DST: variants seen among roughly 807,000 people sequenced by gnomAD.
The protein encoded by DST is dystonin.
In DST, 253 loss-of-function variants were observed where a neutral mutation model predicts 875.2. That is an observed-to-expected ratio of 0.29 (90% confidence interval 0.26 to 0.32). The LOEUF is 0.32. DST is among the 10% of genes least tolerant of loss of function. The pLI, the probability that DST is intolerant of heterozygous loss-of-function variation, is 1.00. For synonymous variants in DST, 3,124 were observed against 3,197.1 expected (o/e 0.98, Z 0.77); for missense variants, 8,287 against 9,111.6 (o/e 0.91, Z 3.68).
chr6:56,790,199 A>C lies in DST; in HGVS notation c.626-54910T>G, dbSNP rs182150777. Among the ~76,000 whole-genome samples, 3 of 152,306 alleles carry C rather than the reference A, an allele frequency of 2.0e-5. No homozygotes were observed. The East Asian group carries it at 5.8e-4, about 29-fold the overall frequency. The stretch of plus-strand genomic sequence containing the variant: ...ATTTTTCTTGCCAGAAAGCAAAAAA[A>C]AAAATTTTTAACTGTCCAATCATCT... On this transcript the variant is annotated intron_variant, in intron 4 of 103. Coordinates refer to ENST00000680361, the MANE Select transcript of DST (RefSeq NM_001374736.1).
intron 5 of DST, among the ~76,000 whole-genome samples, chr6:56,721,717 A>G (rs2099417358): frequency 6.6e-6 from 1 of 152,244 alleles, no homozygotes; most frequent in South Asian, 2.1e-4. Flanking sequence ...AAAAGCAGTT[A>G]TGGTAGAAAA....
intron 53 of DST, among the ~76,000 whole-genome samples, chr6:56,571,707 G>A (rs534760731): frequency 6.6e-6 from 1 of 152,220 alleles, no homozygotes; most frequent in Admixed American, 6.5e-5. Context: ...ATTGCACATC[G>A]TTTCTGAGTT....
At position 56,631,297 on chromosome 6, in the gene DST, T is replaced by C; in HGVS notation, c.4056A>G (p.Ser1352=). The C allele has an allele frequency of 1.9e-6, 3 of 1,614,070 alleles. No homozygotes were observed. Among genetic ancestry groups the C allele is most frequent in the Non-Finnish European group, 2.5e-6 (3 of 1,179,968 alleles). The change falls in exon 30 of 104, where the codon TCA becomes TCG. Residue 1352 remains serine, a synonymous_variant. Coordinates refer to ENST00000680361, the MANE Select transcript of DST (RefSeq NM_001374736.1). ...EEFFSQAAAS[S]SVPTLRSELN... The stretch of plus-strand genomic sequence containing the variant: ...GCTCTGATCGTAGGGTAGGGACTGA[T>C]GAAGAGGCTGCTGCTTGACTGAAAA...
chr6:56,898,930 G>A (rs765497521), intron 3 of DST, among the ~76,000 whole-genome samples: 1 of 152,018 alleles, frequency 6.6e-6, no homozygotes, highest in Admixed American at 6.5e-5. Flanking sequence ...TGATTGACTC[G>A]ACTGTGATTT....
chr6:56,563,342 G>C (rs2097572575), intron 55 of DST, among the ~76,000 whole-genome samples: 1 of 152,196 alleles, frequency 6.6e-6, no homozygotes, highest in African/African-American at 2.4e-5. Context: ...GACCAGTGAT[G>C]ATGAGCATTT....
At chr6:56,948,541 C>A (rs745680161) in intron 2 of DST, among the ~76,000 whole-genome samples, 1 of 152,210 alleles carries the variant, frequency 6.6e-6, no homozygotes, top group Non-Finnish European at 1.5e-5. Context: ...CAATTTCAAA[C>A]TTATGAATCC....
chr6:56,604,156 T>C lies in DST; in HGVS notation c.10472A>G (p.Asn3491Ser). 1 of 1,591,462 alleles carries C rather than the reference T, an allele frequency of 6.3e-7. No homozygotes were observed. Among genetic ancestry groups the C allele is most frequent in the Non-Finnish European group, 8.6e-7 (1 of 1,167,118 alleles). ...ATCAGCAAGCAGTTTGTAGAAAATA[T>C]TTTCAAGCTGCAGTGGAAGTACTTT... ...TSKVLPLQLE[N>S]IFYKLLADGY... The change falls in exon 40 of 104, where the codon AAT becomes AGT. Residue 3491 changes from asparagine (N) to serine (S), a missense_variant. Coordinates refer to ENST00000680361, the MANE Select transcript of DST (RefSeq NM_001374736.1).
At chr6:56,637,506 T>C (rs1408916168) in intron 22 of DST, among the ~76,000 whole-genome samples, 1 of 152,184 alleles carries the variant, frequency 6.6e-6, no homozygotes, top group Non-Finnish European at 1.5e-5. Context: ...TATGTCGGTT[T>C]CTCTTTGTTT....
At chr6:56,778,062 T>G (rs1307528644) in intron 4 of DST, among the ~76,000 whole-genome samples, 2 of 152,154 alleles carry the variant, frequency 1.3e-5, no homozygotes, top group Non-Finnish European at 2.9e-5. Flanking sequence ...TAAATATTCC[T>G]TGGTTCAGTT....
chr6:56,480,760 G>A (rs1161634128), intron 90 of DST, among the ~76,000 whole-genome samples: 1 of 152,120 alleles, frequency 6.6e-6, no homozygotes, highest in Non-Finnish European at 1.5e-5. Flanking sequence ...GAGGTTTCCT[G>A]GTCCTGGTGT....
intron 1 of DST, 131 bp from the exon 2 acceptor site, chr6:56,953,950 C>A: frequency 2.1e-6 from 1 of 485,326 alleles, no homozygotes; most frequent in South Asian, 1.9e-5. Context: ...GTGGGACATC[C>A]TGGGGGAGGG....
rs570808048 is a variant in DST, at chr6:56,554,246, G to A, written c.15137-591C>T. 4.0e-3 allele frequency among the ~76,000 whole-genome samples: 602 copies of A among 151,632 alleles called. 3 individuals are homozygous for A. Among genetic ancestry groups the A allele is most frequent in the African/African-American group, 0.014 (576 of 41,328 alleles). ...ACTACAGGCACCCGCCACCACGCCC[G>A]GCTAATTTTTTGTATTTTTAGTAGA... On this transcript the variant is annotated intron_variant, in intron 60 of 103. Transcript: ENST00000680361.
intron 4 of DST, among the ~76,000 whole-genome samples, chr6:56,760,956 C>G (rs1363868778): frequency 6.6e-6 from 1 of 152,212 alleles, no homozygotes; most frequent in Non-Finnish European, 1.5e-5. Flanking sequence ...AGAGCTAATT[C>G]CAATCACTGT....
rs754092357 is a variant in DST, at chr6:56,607,148, C to T, written c.7480G>A (p.Ala2494Thr). The T allele has an allele frequency of 3.1e-5, 50 of 1,613,218 alleles. No individual in the cohort carries two copies. In the South Asian group the frequency reaches 3.5e-4, roughly 11 times the overall value. The part of the protein sequence containing the change: ...EKFQDQFLGI[A>T]AINISLPGEQ... The stretch of plus-strand genomic sequence containing the variant: ...CCTGGTAAACTGATGTTAATAGCTG[C>T]AATTCCCAGAAACTGGTCTTGAAAT... The change falls in exon 40 of 104, where the codon GCA (alanine) becomes ACA (threonine). Residue 2494 changes from alanine to threonine, a missense_variant. Ala to Thr is a moderately conservative substitution (Grantham distance 58). Around this residue, in one of 10 missense-constraint regions of DST, gnomAD observed 3,138 missense variants for 3,116.6 expected, o/e 1.01. Coordinates refer to ENST00000680361, the MANE Select transcript of DST (RefSeq NM_001374736.1).
At chr6:56,601,387 A>G (rs2098444872) in intron 44 of DST, 56 bp downstream of exon 44, 5 of 1,185,098 alleles carry the variant, frequency 4.2e-6, no homozygotes, top group Non-Finnish European at 6.1e-6. Flanking sequence ...TTGGGTATCT[A>G]CATTATGGTT....
In DST at chr6:56,555,487, C is replaced by T; in HGVS notation, c.14994G>A (p.Gln4998=). Residue 4998 remains glutamine, a synonymous_variant, in exon 60 of 104, where the codon CAG becomes CAA. Coordinates refer to ENST00000680361, the MANE Select transcript of DST (RefSeq NM_001374736.1). ...CCACTTTTATCTGCTTCTTTTCCTG[C>T]TGTATCTCCTGCTTCATTTTTTGGG... ...ETAQKMKQEI[Q]QEKKQIKVAQ... The T allele has an allele frequency of 1.9e-6, 3 of 1,614,020 alleles. No individual in the cohort carries two copies. Among genetic ancestry groups the T allele is most frequent in the Non-Finnish European group, 2.5e-6 (3 of 1,179,898 alleles).
At chr6:56,633,964 G>C (rs2098805501) in intron 27 of DST, among the ~76,000 whole-genome samples, 168 bp downstream of exon 27, 1 of 152,096 alleles carries the variant, frequency 6.6e-6, no homozygotes, top group African/African-American at 2.4e-5. Flanking sequence ...TTCTTAAAAA[G>C]TGCCTTATAT....
chr6:56,482,312 C>T, intron 89 of DST, 134 bp from the exon 90 acceptor site: 2 of 1,007,100 alleles, frequency 2.0e-6, no homozygotes, highest in Non-Finnish European at 2.7e-6. Flanking sequence ...CTTCATTACT[C>T]CCATTAAGAA....
chr6:56,875,033 A>C (rs914566209), intron 3 of DST, among the ~76,000 whole-genome samples: 12 of 152,246 alleles, frequency 7.9e-5, no homozygotes, highest in African/African-American at 2.6e-4. Context: ...GCCCAGGCTG[A>C]AGTGCAGTGG....
Sources: allele counts gnomAD v4.1 joint callset (sites outside exome capture counted in the v4.1 genomes callset), GRCh38; gene constraint gnomAD v4.1.1; regional missense constraint gnomAD v4.1.1; transcripts MANE v1.5; gene names NCBI Gene and HGNC (gene_info 2026-07-23, HGNC 2026-07-21).